The following KAZN variants were observed in gnomAD, a reference collection of about 807,000 sequenced individuals.
KAZN encodes kazrin, periplakin interacting protein, also known as kazrin.
A neutral mutation model predicts 87.4 loss-of-function variants in KAZN; 40 were observed. The ratio of observed to expected loss-of-function variants is 0.46; its 90% confidence interval spans 0.36 to 0.60. The LOEUF is 0.60. Ranked by LOEUF, KAZN falls within the 20% of genes least tolerant of loss-of-function variation. KAZN has a pLI of 0.00. For missense variants in KAZN, 898 were observed against 1,073.9 expected (o/e 0.84, Z 2.29); for synonymous variants, 466 against 458.3 (o/e 1.02, Z -0.22).
intron 1 of KAZN, among the ~76,000 whole-genome samples, chr1:14,779,164 C>T (rs943454997): frequency 6.6e-6 from 1 of 152,212 alleles, no homozygotes; most frequent in Admixed American, 6.5e-5. Flanking sequence ...AATCCCTCCA[C>T]CTCTCCATAG....
intron 1 of KAZN, among the ~76,000 whole-genome samples, chr1:13,983,735 C>T (rs1235437968): frequency 6.6e-6 from 1 of 152,266 alleles, no homozygotes; most frequent in Non-Finnish European, 1.5e-5. Flanking sequence ...CCAAAGGGAA[C>T]CTCTTTTCCT....
intron 1 of KAZN, among the ~76,000 whole-genome samples, chr1:14,103,977 T>C (rs1238398720): frequency 6.6e-6 from 1 of 152,142 alleles, no homozygotes; most frequent in African/African-American, 2.4e-5. Flanking sequence ...GGCAGACAAA[T>C]AGGCAAAAAT....
intron 1 of KAZN, among the ~76,000 whole-genome samples, chr1:14,112,299 G>T (rs907025687): frequency 7.5e-6 from 1 of 133,848 alleles, no homozygotes; most frequent in Non-Finnish European, 1.6e-5. Flanking sequence ...GTGTTCATTC[G>T]TGTATCTGCA....
rs553628326 is a variant in KAZN, at chr1:14,272,624, C to T, written c.249+92032C>T. On this transcript the variant is annotated intron_variant, in intron 2 of 16. Coordinates refer to the KAZN transcript ENST00000636203. ...CTGTAATCCCAGCACTTTGGGAGGC[C>T]GAGGTGGGCGGATCATGAGGTCAGG... Among the ~76,000 whole-genome samples, 7 of 152,110 alleles carry T rather than the reference C, an allele frequency of 4.6e-5. No individual in the cohort carries two copies. The East Asian group carries it at 5.8e-4, about 13-fold the overall frequency.
chr1:14,051,314 AAGGACAGGGCCCT>A (rs1232746009), intron 1 of KAZN, among the ~76,000 whole-genome samples: 3 of 152,148 alleles, frequency 2.0e-5, no homozygotes, highest in African/African-American at 7.2e-5. Context: ...TGGGCAGGCC[AAGGACAGGGCCCT>A]AGGACAGGGC....
intron 2 of KAZN, among the ~76,000 whole-genome samples, chr1:15,024,426 A>T (rs1670981154): frequency 6.6e-6 from 1 of 152,228 alleles, no homozygotes; most frequent in African/African-American, 2.4e-5. Flanking sequence ...TTCCAAAAGG[A>T]AGAAGAGAAA....
At chr1:15,088,552 C>T (rs1157863664) in intron 8 of KAZN, among the ~76,000 whole-genome samples, 3 of 152,214 alleles carry the variant, frequency 2.0e-5, no homozygotes, top group Non-Finnish European at 4.4e-5. Flanking sequence ...GCAGCCCCTC[C>T]GCTGAGCAGC....
chr1:14,497,855 A>G (rs1431009199), intron 2 of KAZN, among the ~76,000 whole-genome samples: 1 of 152,188 alleles, frequency 6.6e-6, no homozygotes, highest in East Asian at 1.9e-4. Flanking sequence ...AGAATCTTCA[A>G]TGTAGAAGAA....
At position 14,133,379 on chromosome 1, in the gene KAZN, AAG is replaced by A. The variant is rs374426220; in HGVS notation, c.92-47054_92-47053del. On this transcript the variant is annotated intron_variant, in intron 1 of 16. Coordinates refer to the KAZN transcript ENST00000636203. Reference sequence around the variant, plus strand: ...AGACTCCCTCTCAAAAAAAAAAAAAAAGAAAGAAAGAAAGAAAGAAAGAAAGA... The same window carrying A: ...AGACTCCCTCTCAAAAAAAAAAAAAAAAAGAAAGAAAGAAAGAAAGAAAGA... Among the ~76,000 whole-genome samples the A allele has an allele frequency of 5.1e-3, 479 of 94,554 alleles. 20 individuals are homozygous for A. The highest frequency in any genetic ancestry group is 6.3e-3 in the East Asian group (22 of 3,520). The allele number at this position is 94,554 out of a possible 152,430, so 62.0% of individuals were successfully genotyped here.
At chr1:14,415,174 T>G (rs78775015) in intron 2 of KAZN, among the ~76,000 whole-genome samples, 8 of 152,302 alleles carry the variant, frequency 5.3e-5, no homozygotes, top group Middle Eastern at 3.4e-3. Flanking sequence ...ATGGATCTAG[T>G]GTCAGCTACA....
intron 2 of KAZN, among the ~76,000 whole-genome samples, chr1:14,516,037 T>A (rs1175252106): frequency 6.6e-6 from 1 of 152,280 alleles, no homozygotes; most frequent in Non-Finnish European, 1.5e-5. Context: ...AGTAAATTAG[T>A]AAGATGGTAC....
chr1:14,025,479 T>C (rs1443575090), intron 1 of KAZN, among the ~76,000 whole-genome samples: 1 of 152,218 alleles, frequency 6.6e-6, no homozygotes, highest in Admixed American at 6.5e-5. Context: ...AGCTTTGTTC[T>C]GACCTAGTTT....
At chr1:14,712,931 C>T (rs1049347248) in intron 1 of KAZN, among the ~76,000 whole-genome samples, 1 of 152,188 alleles carries the variant, frequency 6.6e-6, no homozygotes, top group Non-Finnish European at 1.5e-5. Flanking sequence ...AAGTATGCTC[C>T]AAGATGACAC....
At chr1:14,107,046 T>TCTTC (rs376917946) in intron 1 of KAZN, among the ~76,000 whole-genome samples, 22,316 of 115,176 alleles carry the variant, frequency 0.19, 2,704 homozygotes, top group African/African-American at 0.27. Flanking sequence ...TCCCTTCCTT[T>TCTTC]CTTCCTTCCT....
chr1:14,239,179 G>A (rs979840888), intron 2 of KAZN, among the ~76,000 whole-genome samples: 5 of 152,126 alleles, frequency 3.3e-5, no homozygotes, highest in Admixed American at 6.5e-5. Flanking sequence ...TTTTAATATA[G>A]CATTGATCAT....
intron 2 of KAZN, among the ~76,000 whole-genome samples, chr1:14,313,332 T>A (rs1557633223): frequency 1.3e-5 from 2 of 152,208 alleles, no homozygotes; most frequent in African/African-American, 4.8e-5. Context: ...TGTCTCTGAT[T>A]TCTCACTGGA....
At chr1:14,469,605 A>G (rs929193809) in intron 2 of KAZN, among the ~76,000 whole-genome samples, 3 of 152,238 alleles carry the variant, frequency 2.0e-5, no homozygotes, top group African/African-American at 7.2e-5. Flanking sequence ...CCTAGGCAGC[A>G]TTAACAAGTT....
At chr1:14,697,086 G>A (rs1161307229) in intron 1 of KAZN, among the ~76,000 whole-genome samples, 2 of 146,594 alleles carry the variant, frequency 1.4e-5, no homozygotes, top group Non-Finnish European at 3.0e-5. Context: ...GAGCCCAGGA[G>A]TTTTAGACCA....
intron 2 of KAZN, among the ~76,000 whole-genome samples, chr1:14,185,105 T>A (rs1302938080): frequency 6.6e-6 from 1 of 152,086 alleles, no homozygotes; most frequent in Admixed American, 6.5e-5. Flanking sequence ...ATCAGAAGGA[T>A]CCTGGGCTTA....
Sources: gnomAD v4.1 joint callset for allele counts (sites outside exome capture counted in the v4.1 genomes callset) on GRCh38, gnomAD v4.1.1 for gene constraint, MANE v1.5 for transcripts, NCBI Gene and HGNC (gene_info 2026-07-23, HGNC 2026-07-21) for gene names.